Variants in MTMR11 observed in about 807,000 individuals in gnomAD.
The protein encoded by MTMR11 is myotubularin related protein 11.
In MTMR11, 89 loss-of-function variants were observed where a neutral mutation model predicts 100.0. That is an observed-to-expected ratio of 0.89 (90% CI 0.75 to 1.06). The LOEUF is 1.06. MTMR11 is among the 50% of genes least tolerant of loss of function. MTMR11 has a pLI of 0.00. For synonymous variants in MTMR11, 336 were observed against 326.3 expected (o/e 1.03, Z -0.32); for missense variants, 809 against 873.7 (o/e 0.93, Z 0.93).
rs782070877 is a variant in MTMR11, at chr1:149,931,420, C to G, written c.1130G>C (p.Gly377Ala). ...RVRSVILQER[G>A]DRDLNGLLSS... is the part of the protein sequence containing the mutation. ...GAGGAGGCCATTGAGATCACGATCA[C>G]CGCGCTCTGGGTGATAAAGAGGAAG... The change falls in exon 13 of 17, where the codon GGT becomes GCT. Residue 377 changes from glycine (G) to alanine (A), a missense_variant. Coordinates refer to ENST00000439741, the MANE Select transcript of MTMR11 (RefSeq NM_001145862.2). 4.4e-6 allele frequency: 7 copies of G among 1,598,010 alleles called. No individual in the cohort carries two copies. In the Admixed American group the frequency reaches 1.0e-4, roughly 24 times the overall value.
chr1:149,933,749 G>A (rs782023336), intron 8 of MTMR11, 51 bp from the exon 9 acceptor site: 39 of 1,610,840 alleles, frequency 2.4e-5, no homozygotes, highest in South Asian at 1.2e-4. Context: ...CTAGCTCCAC[G>A]CTACCCTTGC....
Position 149,936,567 on chromosome 1 carries a change from A to G in MTMR11, c.66+15T>C, listed in dbSNP as rs1223587299. On this transcript the variant is annotated intron_variant, in intron 1 of 16. Coordinates refer to ENST00000439741, the MANE Select transcript of MTMR11 (RefSeq NM_001145862.2). ...TCACCCTCTTGCCGACACCCCCCAA[A>G]TTCCTTCTCCTTACCCCCATCTCTG... is the stretch of plus-strand genomic sequence containing the variant. 1 of 1,505,896 alleles carries G rather than the reference A, an allele frequency of 6.6e-7. No individual in the cohort carries two copies. The highest frequency in any genetic ancestry group is 2.5e-5 in the East Asian group (1 of 39,988). 93.3% of individuals were successfully genotyped at this position (1,505,896 alleles called of 1,614,324 possible).
chr1:149,936,550 T>C (rs1553769300), intron 1 of MTMR11, 32 bp downstream of exon 1: 2 of 1,454,968 alleles, frequency 1.4e-6, no homozygotes, highest in South Asian at 2.4e-5. Flanking sequence ...TCTCACCCTC[T>C]TGCCGACACC....
At chr1:149,932,642 G>A (rs1316035561) in intron 10 of MTMR11, among the ~76,000 whole-genome samples, 4 of 152,118 alleles carry the variant, frequency 2.6e-5, no homozygotes, top group Non-Finnish European at 5.9e-5. Flanking sequence ...GAGGTGGGAG[G>A]TGAGTAGAAA....
intron 2 of MTMR11, 77 bp downstream of exon 2, chr1:149,936,077 T>A: frequency 1.4e-6 from 2 of 1,460,814 alleles, no homozygotes; most frequent in East Asian, 4.5e-5. Flanking sequence ...CACAGGGGTA[T>A]CTTTGGTGAG....
rs1188551004 is a variant in MTMR11, at chr1:149,936,817, G to T, written c.-170C>A. 1.6e-6 allele frequency: 1 copy of T among 625,286 alleles called. No homozygotes were observed. Among genetic ancestry groups the T allele is most frequent in the African/African-American group, 1.9e-5 (1 of 52,452 alleles). 38.7% of individuals were successfully genotyped at this position (625,286 alleles called of 1,614,324 possible). The stretch of plus-strand genomic sequence containing the variant: ...TGACGTGCACGGAGCAGAGTTTGGG[G>T]GTCCTTGGAAAGGTGTGTCCAGCCC... On this transcript the variant is annotated 5_prime_UTR_variant, in exon 1 of 17. Transcript: ENST00000439741.
Position 149,933,416 on chromosome 1 carries a change from G to C in MTMR11, c.975C>G (p.Leu325=). The change falls in exon 10 of 17, where the codon CTC becomes CTG. Residue 325 remains leucine (L), a synonymous_variant. Coordinates refer to ENST00000439741, the MANE Select transcript of MTMR11 (RefSeq NM_001145862.2). ...AAAGGTTATTCTCACCAGGCAGGCAGAGGGCCCTCAGCCTCAGGTGGGCAA... is the reference window on the plus strand; with the variant it reads ...AAAGGTTATTCTCACCAGGCAGGCACAGGGCCCTCAGCCTCAGGTGGGCAA... ...VQLAHLRLRA[L]CLPDSSVAED... is the part of the protein sequence containing the mutation. The C allele has an allele frequency of 6.2e-7, 1 of 1,614,228 alleles. No individual in the cohort carries two copies. The highest frequency in any genetic ancestry group is 1.3e-5 in the African/African-American group (1 of 75,058).
chr1:149,933,615 A>G lies in MTMR11; in HGVS notation c.855T>C (p.Asp285=), dbSNP rs1571549479. The G allele has an allele frequency of 4.3e-6, 7 of 1,614,036 alleles. No individual in the cohort carries two copies. The East Asian group carries it at 1.3e-4, about 31-fold the overall frequency. ...FYTASDPNKE[D]IRAVELMLQA... is the part of the protein sequence containing the mutation. ...TCTCATCAAGCCTCCCTCACCTGAT[A>G]TCCTCCTTGTTAGGGTCACTGGCTG... Residue 285 remains aspartate, a synonymous_variant, in exon 9 of 17, where the codon GAT becomes GAC. Coordinates refer to ENST00000439741, the MANE Select transcript of MTMR11 (RefSeq NM_001145862.2).
Position 149,936,606 on chromosome 1 carries a change from G to T in MTMR11, c.42C>A (p.Pro14=). 2 of 1,541,566 alleles carry T rather than the reference G, an allele frequency of 1.3e-6. No individual in the cohort carries two copies. The highest frequency in any genetic ancestry group is 1.8e-6 in the Non-Finnish European group (2 of 1,139,032). Residue 14 remains proline, a synonymous_variant, in exon 1 of 17, where the codon CCC becomes CCA. Transcript: ENST00000439741. ...CCCCCATCTCTGGCTCCTCCTTCTG[G>T]GGGGCAATGTTGAAACTCTGGCCCC... ...GGRGQSFNIA[P]QKEEPEMGSV...
At chr1:149,932,957 CTTT>C (rs201894021) in intron 10 of MTMR11, among the ~76,000 whole-genome samples, 2 of 136,950 alleles carry the variant, frequency 1.5e-5, no homozygotes, top group African/African-American at 5.5e-5. Context: ...TCTCATCTGC[CTTT>C]TTTTTTTTTT....
rs1264199038 is a variant in MTMR11 at position 149,936,697 on chromosome 1, G to C, written c.-50C>G. On this transcript the variant is annotated 5_prime_UTR_variant, in exon 1 of 17. Coordinates refer to ENST00000439741, the MANE Select transcript of MTMR11 (RefSeq NM_001145862.2). Reference sequence around the variant, plus strand: ...AGCAGTTAAGGGTGGGAAACCTCAAGGATGCTCACCCACCTCGGGGAGAGG... The same window carrying C: ...AGCAGTTAAGGGTGGGAAACCTCAACGATGCTCACCCACCTCGGGGAGAGG... 2.4e-6 allele frequency: 3 copies of C among 1,259,462 alleles called. No individual in the cohort carries two copies. Among genetic ancestry groups the C allele is most frequent in the Non-Finnish European group, 3.4e-6 (3 of 880,556 alleles). 78.0% of individuals were successfully genotyped at this position (1,259,462 alleles called of 1,614,324 possible).
At chr1:149,935,957 CAG>C (rs1209757001) in intron 2 of MTMR11, among the ~76,000 whole-genome samples, 195 bp downstream of exon 2, 1 of 152,182 alleles carries the variant, frequency 6.6e-6, no homozygotes, top group African/African-American at 2.4e-5. Context: ...AAAGGGGTAA[CAG>C]GGTCAAGGAA....
chr1:149,931,368 G>A lies in MTMR11; in HGVS notation c.1182C>T (p.Ala394=), dbSNP rs1553767631. 14 of 1,613,628 alleles carry A rather than the reference G, an allele frequency of 8.7e-6. No homozygotes were observed. Among genetic ancestry groups the A allele is most frequent in the African/African-American group, 1.3e-5 (1 of 74,832 alleles). Residue 394 remains alanine (A), a synonymous_variant, in exon 13 of 17, where the codon GCC becomes GCT. Transcript: ENST00000439741. ...LLSSLVQLLS[A]PEARTLFGFQ... is the part of the protein sequence containing the mutation. Reference sequence around the variant, plus strand: ...AGCCAAACAGTGTTCGGGCTTCGGGGGCTGAAAGCAGCTGGACGAGTGAAG... The same window carrying A: ...AGCCAAACAGTGTTCGGGCTTCGGGAGCTGAAAGCAGCTGGACGAGTGAAG...
chr1:149,929,114 A>C lies in MTMR11; in HGVS notation c.*15T>G, dbSNP rs2092619690. The stretch of plus-strand genomic sequence containing the variant: ...GATACAAAAAAAAAAAAAAAAGATT[A>C]GACAGAACCCTCCTCTACCCCAGAT... On this transcript the variant is annotated 3_prime_UTR_variant, in exon 17 of 17. Coordinates refer to ENST00000439741, the MANE Select transcript of MTMR11 (RefSeq NM_001145862.2). The C allele has an allele frequency of 6.3e-7, 1 of 1,585,398 alleles. No homozygotes were observed. The highest frequency in any genetic ancestry group is 8.6e-7 in the Non-Finnish European group (1 of 1,168,228).
In MTMR11 at chr1:149,929,246, T is replaced by C; in HGVS notation, c.2013A>G (p.Lys671=). 1 of 1,614,204 alleles carries C rather than the reference T, an allele frequency of 6.2e-7. No individual in the cohort carries two copies. Among genetic ancestry groups the C allele is most frequent in the Non-Finnish European group, 8.5e-7 (1 of 1,180,026 alleles). The stretch of plus-strand genomic sequence containing the variant: ...CCTCAGGAGATATTCTTGGTGTCCA[T>C]TTCCGTAATAACTCCTGAAGATGGG... ...ELSHLQELLR[K]WTPRISPEDH... is the part of the protein sequence containing the mutation. Residue 671 remains lysine (K), a synonymous_variant, in exon 17 of 17, where the codon AAA becomes AAG. Coordinates refer to ENST00000439741, the MANE Select transcript of MTMR11 (RefSeq NM_001145862.2).
Position 149,932,249 on chromosome 1 carries a change from G to T in MTMR11, c.1052+15C>A. The T allele has an allele frequency of 6.2e-7, 1 of 1,611,786 alleles. No individual in the cohort carries two copies. The highest frequency in any genetic ancestry group is 8.5e-7 in the Non-Finnish European group (1 of 1,177,970). The stretch of plus-strand genomic sequence containing the variant: ...GTTGAATTATAAATGATGGCTAGAA[G>T]AAGCGAGGGAGTACCTGACATAGTC... On this transcript the variant is annotated intron_variant, in intron 11 of 16. Transcript: ENST00000439741.
In MTMR11 at chr1:149,929,306, T is replaced by C. The variant is rs1553766827; in HGVS notation, c.1953A>G (p.Ser651=). 1.2e-6 allele frequency: 2 copies of C among 1,613,846 alleles called. No homozygotes were observed. Among genetic ancestry groups the C allele is most frequent in the Non-Finnish European group, 1.7e-6 (2 of 1,179,850 alleles). ...RGRPEVQMGL[S]APTISGLQDE... ...CCTGGAGGCCAGAGATTGTGGGAGC[T>C]GAGAGGCCCATCTGGGGAGGAGGCA... The change falls in exon 17 of 17, where the codon TCA becomes TCG. Residue 651 remains serine, a synonymous_variant. Coordinates refer to ENST00000439741, the MANE Select transcript of MTMR11 (RefSeq NM_001145862.2).
Position 149,932,269 on chromosome 1 carries a change from A to C in MTMR11, c.1047T>G (p.Tyr349Ter). 6.2e-7 allele frequency: 1 copy of C among 1,613,706 alleles called. No homozygotes were observed. Among genetic ancestry groups the C allele is most frequent in the Non-Finnish European group, 8.5e-7 (1 of 1,179,562 alleles). ...SALEGTRWLD[Y>*]VRACLRKASD... Reference sequence around the variant, plus strand: ...TAGAAGAAGCGAGGGAGTACCTGACATAGTCCAGCCATCGTGTTCCTTCCA... The same window carrying C: ...TAGAAGAAGCGAGGGAGTACCTGACCTAGTCCAGCCATCGTGTTCCTTCCA... The change falls in exon 11 of 17, where the codon TAT becomes TAG. Residue 349 changes from tyrosine to a stop codon, truncating the protein, a stop_gained. Transcript: ENST00000439741. LOFTEE classifies it high-confidence loss of function.
chr1:149,936,640 C>G lies in MTMR11; in HGVS notation c.8G>C (p.Trp3Ser), dbSNP rs1200380120. The change falls in exon 1 of 17, where the codon TGG (tryptophan) becomes TCG (serine). Residue 3 changes from tryptophan to serine, a missense_variant. Coordinates refer to ENST00000439741, the MANE Select transcript of MTMR11 (RefSeq NM_001145862.2). MW[W>S]GGRGQSFNIA... ...GTTGAAACTCTGGCCCCGGCCCCCC[C>G]ACCACATTTCTCTGGCTCCATCCGG... 1.9e-6 allele frequency: 3 copies of G among 1,541,330 alleles called. No homozygotes were observed. The highest frequency in any genetic ancestry group is 3.9e-5 in the Admixed American group (2 of 50,848).
Sources: allele counts gnomAD v4.1 joint callset (sites outside exome capture counted in the v4.1 genomes callset), GRCh38; gene constraint gnomAD v4.1.1; transcripts MANE v1.5; gene names NCBI Gene and HGNC (gene_info 2026-07-23, HGNC 2026-07-21).